The following HS3ST4 variants were observed in gnomAD, a reference collection of about 807,000 sequenced individuals.
HS3ST4 encodes the protein heparan sulfate-glucosamine 3-sulfotransferase 4.
HS3ST4 carries 17 observed loss-of-function variants against 29.2 expected under a neutral mutation model. That is an observed-to-expected ratio of 0.58 (90% CI 0.40 to 0.87). The LOEUF (loss-of-function observed/expected upper bound fraction) is 0.87, where lower values mean the gene tolerates loss of function less well. HS3ST4 is among the 40% of genes least tolerant of loss of function. The pLI, the probability that HS3ST4 is intolerant of heterozygous loss-of-function variation, is 0.00. For synonymous variants in HS3ST4, 314 were observed against 285.7 expected (o/e 1.10, Z -1.00); for missense variants, 627 against 634.5 (o/e 0.99, Z 0.13).
At chr16:25,888,213 C>T (rs913925652) in intron 1 of HS3ST4, among the ~76,000 whole-genome samples, 7 of 152,104 alleles carry the variant, frequency 4.6e-5, no homozygotes, top group African/African-American at 1.7e-4. Context: ...TTCTTAGTTG[C>T]ATGACAAAAA....
intron 1 of HS3ST4, among the ~76,000 whole-genome samples, chr16:25,836,385 C>T (rs184939207): frequency 1.3e-5 from 2 of 152,196 alleles, no homozygotes; most frequent in Non-Finnish European, 2.9e-5. Context: ...GAAAGAAATA[C>T]ATCTTTGCTG....
intron 1 of HS3ST4, among the ~76,000 whole-genome samples, chr16:25,941,287 G>T (rs550857556): frequency 1.1e-4 from 17 of 152,204 alleles, no homozygotes; most frequent in South Asian, 1.0e-3. Flanking sequence ...TGCCTCCTGA[G>T]TAGCTGGGAT....
At chr16:26,058,824 G>A (rs1898442255) in intron 1 of HS3ST4, among the ~76,000 whole-genome samples, 1 of 152,202 alleles carries the variant, frequency 6.6e-6, no homozygotes, top group East Asian at 1.9e-4. Context: ...GAGGGAAAGG[G>A]AATAGGTGAG....
intron 1 of HS3ST4, among the ~76,000 whole-genome samples, chr16:25,776,823 A>C (rs1966847914): frequency 6.6e-6 from 1 of 152,090 alleles, no homozygotes. Context: ...AAACTCTAAA[A>C]TCTCTTTCTT....
chr16:25,854,872 G>T (rs1596591837), intron 1 of HS3ST4, among the ~76,000 whole-genome samples: 1 of 152,170 alleles, frequency 6.6e-6, no homozygotes, highest in South Asian at 2.1e-4. Flanking sequence ...TTACAAATTT[G>T]TGTTGGGCCA....
intron 1 of HS3ST4, among the ~76,000 whole-genome samples, chr16:25,869,144 T>C (rs1396664584): frequency 2.0e-5 from 3 of 152,156 alleles, no homozygotes; most frequent in African/African-American, 7.2e-5. Context: ...GGCAGCCATC[T>C]GCTACTCGGG....
At chr16:25,836,187 A>C (rs771933186) in intron 1 of HS3ST4, among the ~76,000 whole-genome samples, 15 of 152,174 alleles carry the variant, frequency 9.9e-5, no homozygotes, top group Non-Finnish European at 2.2e-4. Context: ...CTAAGGAGCC[A>C]AAATTACAAA....
At chr16:25,882,091 G>A (rs1967901055) in intron 1 of HS3ST4, among the ~76,000 whole-genome samples, 1 of 152,160 alleles carries the variant, frequency 6.6e-6, no homozygotes, top group African/African-American at 2.4e-5. Context: ...CCTCTCTCTT[G>A]TTGGTTTAAA....
rs1457260976 is a variant in HS3ST4 at position 25,833,442 on chromosome 16, T to C, written c.734+140291T>C. 3.3e-5 allele frequency among the ~76,000 whole-genome samples: 5 copies of C among 152,284 alleles called. 1 individual carries two copies. In the South Asian group the frequency reaches 1.0e-3, roughly 32 times the overall value. ...TACTTTATCCATTAAGTGGCAAGAA[T>C]TGTAGTATTCATACCATGGTTTGTA... On this transcript the variant is annotated intron_variant, in intron 1 of 1. Coordinates refer to ENST00000331351, the MANE Select transcript of HS3ST4 (RefSeq NM_006040.3).
intron 1 of HS3ST4, among the ~76,000 whole-genome samples, chr16:25,762,895 A>AAAAAG (rs1417964783): frequency 4.1e-5 from 6 of 147,516 alleles, no homozygotes; most frequent in African/African-American, 1.6e-4. Context: ...AAAAAAAAAA[A>AAAAAG]AAAAGAAAAA....
chr16:25,905,626 A>AT (rs781299354), intron 1 of HS3ST4, among the ~76,000 whole-genome samples: 19 of 152,182 alleles, frequency 1.2e-4, no homozygotes, highest in Non-Finnish European at 2.9e-5. Flanking sequence ...ACTCAGTAGG[A>AT]TTTGGTAGCC....
intron 1 of HS3ST4, among the ~76,000 whole-genome samples, chr16:26,093,218 A>G (rs1428801908): frequency 6.6e-6 from 1 of 152,216 alleles, no homozygotes; most frequent in Non-Finnish European, 1.5e-5. Context: ...CCTGTCTGAC[A>G]GCTCTGAAGA....
intron 1 of HS3ST4, among the ~76,000 whole-genome samples, chr16:25,726,663 C>T (rs1396838459): frequency 6.6e-6 from 1 of 152,140 alleles, no homozygotes; most frequent in Non-Finnish European, 1.5e-5. Flanking sequence ...CATATGAAAA[C>T]CATATTCTTT....
At chr16:26,058,489 C>A (rs1898438103) in intron 1 of HS3ST4, among the ~76,000 whole-genome samples, 2 of 152,110 alleles carry the variant, frequency 1.3e-5, no homozygotes, top group South Asian at 4.2e-4. Context: ...TGACATGGCT[C>A]ACAGGCACAG....
intron 1 of HS3ST4, among the ~76,000 whole-genome samples, chr16:25,940,377 A>G (rs1201377412): frequency 6.6e-6 from 1 of 152,198 alleles, no homozygotes; most frequent in Non-Finnish European, 1.5e-5. Flanking sequence ...AGGAAAGAGA[A>G]GGTACCAAGT....
chr16:25,854,404 C>T (rs4622515), intron 1 of HS3ST4, among the ~76,000 whole-genome samples: 108,018 of 152,064 alleles, frequency 0.71, 39,500 homozygotes, highest in African/African-American at 0.88. Flanking sequence ...ATATAATGAG[C>T]AGTGAGGATG....
intron 1 of HS3ST4, among the ~76,000 whole-genome samples, chr16:25,893,152 T>C (rs979311723): frequency 1.3e-5 from 2 of 152,108 alleles, no homozygotes; most frequent in Non-Finnish European, 2.9e-5. Flanking sequence ...GAGGCAGGGA[T>C]GATTTTGCTG....
intron 1 of HS3ST4, among the ~76,000 whole-genome samples, chr16:25,844,636 C>T (rs978015350): frequency 1.1e-4 from 17 of 152,256 alleles, no homozygotes; most frequent in South Asian, 1.0e-3. Context: ...TTGTGGAAGA[C>T]GGTGTGGCGA....
chr16:25,786,088 G>A (rs538990090), intron 1 of HS3ST4, among the ~76,000 whole-genome samples: 53 of 152,212 alleles, frequency 3.5e-4, no homozygotes, highest in East Asian at 1.2e-3. Flanking sequence ...CCTGAATTCC[G>A]GGCTGAGCAG....
Sources: allele counts gnomAD v4.1 joint callset (sites outside exome capture counted in the v4.1 genomes callset), GRCh38; gene constraint gnomAD v4.1.1; transcripts MANE v1.5; gene names NCBI Gene and HGNC (gene_info 2026-07-23, HGNC 2026-07-21).